The following BDP1 variants were observed in gnomAD, a reference collection of about 807,000 sequenced individuals.
BDP1 encodes the protein BDP1 general transcription factor IIIB subunit.
In BDP1, 169 loss-of-function variants were observed where a neutral mutation model predicts 266.6. The ratio of observed to expected loss-of-function variants is 0.63; its 90% CI spans 0.56 to 0.72. BDP1 has a LOEUF of 0.72. Ranked by LOEUF, BDP1 falls within the 30% of genes least tolerant of loss-of-function variation. The probability of loss-of-function intolerance (pLI) is 0.00; values close to 1 mark genes in which losing one functional copy is unlikely to be tolerated. For synonymous variants in BDP1, 1,090 were observed against 1,022.4 expected (o/e 1.07, Z -1.26); for missense variants, 3,015 against 3,053.8 (o/e 0.99, Z 0.30).
intron 38 of BDP1, among the ~76,000 whole-genome samples, chr5:71,563,718 G>T (rs1411369872): frequency 6.6e-6 from 1 of 152,190 alleles, no homozygotes; most frequent in East Asian, 1.9e-4. Context: ...TTTGAGACCA[G>T]CCTGGCCAAC....
chr5:71,562,143 A>G (rs1692741027), intron 37 of BDP1, 131 bp from the exon 38 acceptor site: 1 of 762,132 alleles, frequency 1.3e-6, no homozygotes, highest in African/African-American at 2.0e-5. Flanking sequence ...GGTTGCAGTG[A>G]GCCGAGATTG....
chr5:71,538,639 T>G (rs752534865), intron 26 of BDP1, among the ~76,000 whole-genome samples: 1 of 152,210 alleles, frequency 6.6e-6, no homozygotes, highest in Non-Finnish European at 1.5e-5. Context: ...TAAAATGCAT[T>G]TAAGTTTTAA....
chr5:71,553,779 G>A (rs1215058798), intron 35 of BDP1, among the ~76,000 whole-genome samples: 1 of 152,104 alleles, frequency 6.6e-6, no homozygotes, highest in South Asian at 2.1e-4. Flanking sequence ...ACATTGTCTT[G>A]CTGATTTTTG....
In BDP1 at chr5:71,515,107, C is replaced by CA; in HGVS notation, c.4635dup (p.Val1546SerfsTer7). On this transcript the variant is annotated frameshift_variant, in exon 20 of 39. Coordinates refer to ENST00000358731, the MANE Select transcript of BDP1 (RefSeq NM_018429.3). LOFTEE classifies it high-confidence loss of function. ...TCAGCACCAGTCCAGAAAAATGACTCAGTTGTTTCTGTGGGGTAAACAGTG... is the reference window on the plus strand; with the variant it reads ...TCAGCACCAGTCCAGAAAAATGACTCAAGTTGTTTCTGTGGGGTAAACAGTG... 1 of 1,594,756 alleles carries CA rather than the reference C, an allele frequency of 6.3e-7. No homozygotes were observed. The highest frequency in any genetic ancestry group is 8.5e-7 in the Non-Finnish European group (1 of 1,174,068).
Position 71,512,258 on chromosome 5 carries a change from A to G in BDP1, c.4077A>G (p.Val1359=). The G allele has an allele frequency of 6.5e-7, 1 of 1,527,916 alleles. No individual in the cohort carries two copies. The highest frequency in any genetic ancestry group is 1.4e-5 in the South Asian group (1 of 73,370). The allele number at this position is 1,527,916 out of a possible 1,614,324, so 94.6% of individuals were successfully genotyped here. A position where few individuals can be genotyped will look rare whatever the true frequency, so the allele number is the denominator to read the frequency against. Reference sequence around the variant, plus strand: ...TCCTCTAGAACATTAGCAGTGAAGTACTGTCGATGATGCATACACCTGTAG... The same window carrying G: ...TCCTCTAGAACATTAGCAGTGAAGTGCTGTCGATGATGCATACACCTGTAG... ...SLDIQNISSE[V]LSMMHTPVEE... Residue 1359 remains valine (V), a synonymous_variant, in exon 18 of 39, where the codon GTA becomes GTG. Coordinates refer to ENST00000358731, the MANE Select transcript of BDP1 (RefSeq NM_018429.3).
At chr5:71,539,134 T>C (rs926965192) in intron 27 of BDP1, 56 bp downstream of exon 27, 55 of 1,163,910 alleles carry the variant, frequency 4.7e-5, no homozygotes, top group Non-Finnish European at 6.7e-5. Flanking sequence ...AGTACAGTGA[T>C]TTAATAGTGG....
At chr5:71,552,680 TGTG>T (rs1421188217) in intron 34 of BDP1, among the ~76,000 whole-genome samples, 4 of 152,128 alleles carry the variant, frequency 2.6e-5, no homozygotes, top group African/African-American at 7.2e-5. Context: ...ACCAGTCAGG[TGTG>T]GTGTCGCGCG....
rs1433261125 is a variant in BDP1, at chr5:71,539,612, A to G, written c.5985A>G (p.Leu1995=). Residue 1995 remains leucine (L), a synonymous_variant, in exon 28 of 39, where the codon CTA becomes CTG. Transcript: ENST00000358731. ...TAACTTTACTTACAATGGGAGATCT[A>G]GTATTGCAGTCAGAGATCAGTAGTG... ...AAITLLTMGD[L]VLQSEISSEQ... The G allele has an allele frequency of 7.4e-6, 12 of 1,612,322 alleles. No individual in the cohort carries two copies. The highest frequency in any genetic ancestry group is 2.2e-5 in the East Asian group (1 of 44,800).
chr5:71,544,953 T>C (rs1742170439), intron 31 of BDP1, 86 bp from the exon 32 acceptor site: 2 of 1,183,964 alleles, frequency 1.7e-6, no homozygotes, highest in Admixed American at 4.2e-5. Flanking sequence ...ACCATTGAAT[T>C]AGATGATCTT....
chr5:71,506,209 G>A (rs1009003339), intron 16 of BDP1, among the ~76,000 whole-genome samples: 2 of 152,074 alleles, frequency 1.3e-5, no homozygotes, highest in African/African-American at 4.8e-5. Flanking sequence ...TGGCCTCTGG[G>A]TTTTAGAACA....
At chr5:71,524,534 TAAC>T (rs201787209) in intron 25 of BDP1, among the ~76,000 whole-genome samples, 1 of 118,856 alleles carries the variant, frequency 8.4e-6, no homozygotes, top group Non-Finnish European at 1.9e-5. Flanking sequence ...GGAGTCAGTG[TAAC>T]AACGAGAGAA....
At chr5:71,502,848 T>C in intron 15 of BDP1, 57 bp downstream of exon 15, 1 of 1,324,694 alleles carries the variant, frequency 7.5e-7, no homozygotes, top group Non-Finnish European at 1.1e-6. Context: ...AGCCTTAATA[T>C]AAGCTTCCCT....
rs371330043 is a variant in BDP1, at chr5:71,542,126, C to T, written c.6273C>T (p.Thr2091=). 28 of 1,604,728 alleles carry T rather than the reference C, an allele frequency of 1.7e-5. No homozygotes were observed. In the African/African-American group the frequency reaches 3.2e-4, roughly 19 times the overall value. Residue 2091 remains threonine (T), a synonymous_variant, in exon 30 of 39, where the codon ACC becomes ACT. Coordinates refer to ENST00000358731, the MANE Select transcript of BDP1 (RefSeq NM_018429.3). ...TTAGGAATACAATTTCTAAAGTGAC[C>T]AGTAATTTGAGAATAAGAAGTAGGC... The part of the protein sequence containing the change: ...TPTRNTISKV[T]SNLRIRSRLA...
chr5:71,478,264 A>G (rs1201218367), intron 7 of BDP1, among the ~76,000 whole-genome samples: 3 of 152,250 alleles, frequency 2.0e-5, no homozygotes, highest in African/African-American at 7.2e-5. Context: ...ACAAAAACAA[A>G]AACAAGCAAA....
At chr5:71,483,783 T>TA (rs963317838) in intron 7 of BDP1, 59 bp from the exon 8 acceptor site, 351 of 1,257,576 alleles carry the variant, frequency 2.8e-4, no homozygotes, top group Middle Eastern at 4.9e-4. Context: ...TTACTGCATT[T>TA]AAAAAAAAAT....
chr5:71,568,572 A>G (rs1744157782), downstream of BDP1, among the ~76,000 whole-genome samples: 1 of 152,118 alleles, frequency 6.6e-6, no homozygotes, highest in African/African-American at 2.4e-5. Flanking sequence ...GGGTGCGAGC[A>G]ATCCTCCCAG....
intron 16 of BDP1, among the ~76,000 whole-genome samples, chr5:71,506,313 C>G (rs924155583): frequency 3.9e-5 from 6 of 152,094 alleles, no homozygotes; most frequent in Non-Finnish European, 7.3e-5. Context: ...ACCTTTCTAG[C>G]CTTTGAATCT....
rs1743735017 is a variant in BDP1 at position 71,562,380 on chromosome 5, A to G, written c.7603A>G (p.Ile2535Val). The G allele has an allele frequency of 6.2e-7, 1 of 1,614,056 alleles. No homozygotes were observed. The highest frequency in any genetic ancestry group is 8.5e-7 in the Non-Finnish European group (1 of 1,179,972). ...VHSKKRLKPL[I>V]PGLRKKLKRS... Reference sequence around the variant, plus strand: ...TAGTAAGAAACGCCTAAAACCTCTTATACCTGGATTAAGAAAGAAATTGAA... The same window carrying G: ...TAGTAAGAAACGCCTAAAACCTCTTGTACCTGGATTAAGAAAGAAATTGAA... The change falls in exon 38 of 39, where the codon ATA becomes GTA. Residue 2535 changes from isoleucine to valine, a missense_variant. Physicochemically the swap from Ile to Val is conservative, Grantham distance 29 (BLOSUM62 3). Around this residue, in one of 3 missense-constraint regions of BDP1, gnomAD observed 629 missense variants for 632.5 expected, o/e 0.99. Coordinates refer to ENST00000358731, the MANE Select transcript of BDP1 (RefSeq NM_018429.3).
rs776415075 is a variant in BDP1 at position 71,553,256 on chromosome 5, A to T, written c.7136A>T (p.His2379Leu). The T allele has an allele frequency of 6.2e-7, 1 of 1,613,326 alleles. No individual in the cohort carries two copies. The highest frequency in any genetic ancestry group is 8.5e-7 in the Non-Finnish European group (1 of 1,179,950). The change falls in exon 35 of 39, where the codon CAC becomes CTC. Residue 2379 changes from histidine to leucine, a missense_variant. Transcript: ENST00000358731. ...RFQCRLDKND[H>L]IPPAKKRSLT... ...CAATGCAGGCTTGATAAAAATGACC[A>T]CATTCCTCCTGCCAAAAAACGTTCA...
Sources: allele counts gnomAD v4.1 joint callset (sites outside exome capture counted in the v4.1 genomes callset), GRCh38; gene constraint gnomAD v4.1.1; regional missense constraint gnomAD v4.1.1; transcripts MANE v1.5; gene names NCBI Gene and HGNC (gene_info 2026-07-23, HGNC 2026-07-21).